Variants in CFAP47 observed in about 807,000 individuals in gnomAD.
CFAP47 encodes cilia- and flagella-associated protein 47.
Under a neutral mutation model 148.1 loss-of-function variants are expected in CFAP47, and 29 were observed. That is an observed-to-expected ratio of 0.20 (90% CI 0.15 to 0.27). The LOEUF is 0.27. CFAP47 is among the 10% of genes least tolerant of loss of function. CFAP47 has a pLI of 1.00. For missense variants in CFAP47, 1,872 were observed against 1,697.5 expected (o/e 1.10, Z -1.81); for synonymous variants, 664 against 577.3 (o/e 1.15, Z -2.15).
intron 33 of CFAP47, among the ~76,000 whole-genome samples, chrX:36,117,238 A>T (rs1006271289): frequency 8.9e-6 from 1 of 111,776 alleles, no homozygotes; most frequent in African/African-American, 3.3e-5. Flanking sequence ...TCTCTTTGAT[A>T]TATTGGTTTT....
chrX:36,244,386 G>A (rs1297045614), intron 48 of CFAP47, among the ~76,000 whole-genome samples: 10 of 111,110 alleles, frequency 9.0e-5, no homozygotes, highest in African/African-American at 3.3e-4. Flanking sequence ...ATTAAAATTA[G>A]AGAAGAACTA....
intron 30 of CFAP47, among the ~76,000 whole-genome samples, chrX:36,088,601 G>A (rs1011701147): frequency 9.0e-6 from 1 of 110,533 alleles, no homozygotes; most frequent in African/African-American, 3.3e-5. Context: ...CAGGAAAAGA[G>A]GCCTCACCTA....
At chrX:36,063,984 A>T (rs1937615623) in intron 26 of CFAP47, among the ~76,000 whole-genome samples, 1 of 112,375 alleles carries the variant, frequency 8.9e-6, no homozygotes, top group Non-Finnish European at 1.9e-5. Flanking sequence ...CCCAGGGTAC[A>T]TCACAGGGGA....
intron 29 of CFAP47, among the ~76,000 whole-genome samples, chrX:36,084,081 A>C: frequency 9.0e-6 from 1 of 110,601 alleles, no homozygotes; most frequent in South Asian, 3.8e-4. Flanking sequence ...TCATCCATTG[A>C]TTTCTTAATT....
At chrX:36,110,581 G>A (rs971203956) in intron 33 of CFAP47, among the ~76,000 whole-genome samples, 3 of 111,778 alleles carry the variant, frequency 2.7e-5, no homozygotes, top group Non-Finnish European at 5.6e-5. Context: ...GGATTGCCTT[G>A]GCAATTTGGG....
At chrX:36,144,973 G>T in intron 35 of CFAP47, 1 of 600,011 alleles carries the variant, frequency 1.7e-6, no homozygotes, top group South Asian at 3.3e-5. Context: ...GCCCCTATTG[G>T]CTTCTGTCAT....
intron 15 of CFAP47, among the ~76,000 whole-genome samples, chrX:35,982,476 T>C (rs1936659791): frequency 8.9e-6 from 1 of 111,792 alleles, no homozygotes; most frequent in Non-Finnish European, 1.9e-5. Context: ...AGGTCTCATT[T>C]GTCAATTTTC....
At chrX:36,186,324 A>G (rs1555985613) in intron 40 of CFAP47, among the ~76,000 whole-genome samples, 1 of 110,014 alleles carries the variant, frequency 9.1e-6, no homozygotes, top group African/African-American at 3.3e-5. Flanking sequence ...CTATCTTAGG[A>G]CTCCTTGCTT....
At chrX:36,232,921 G>T (rs1165431500) in intron 46 of CFAP47, among the ~76,000 whole-genome samples, 3 of 111,872 alleles carry the variant, frequency 2.7e-5, no homozygotes, top group Non-Finnish European at 5.6e-5. Flanking sequence ...GTAATTGAGT[G>T]GTTTTGAGTG....
At chrX:35,930,571 G>A (rs1385653623) in intron 2 of CFAP47, among the ~76,000 whole-genome samples, 1 of 110,969 alleles carries the variant, frequency 9.0e-6, no homozygotes, top group Non-Finnish European at 1.9e-5. Context: ...GAACTGTCTG[G>A]CCTGGAAATT....
chrX:35,972,890 A>G lies in CFAP47; in HGVS notation c.2254+925A>G, dbSNP rs370276459. ...TTGCTGGGTTGTACAATAAATTTAT[A>G]TCTAACTTAAAAAAAAACCCTCTAA... On this transcript the variant is annotated intron_variant, in intron 13 of 63. Transcript: ENST00000378653. 6.1e-4 allele frequency among the ~76,000 whole-genome samples: 68 copies of G among 111,260 alleles called. 1 individual carries two copies. Among genetic ancestry groups the G allele is most frequent in the East Asian group, 2.0e-3 (7 of 3,531 alleles).
intron 48 of CFAP47, 78 bp from the exon 49 acceptor site, chrX:36,251,255 A>C: frequency 1.3e-5 from 4 of 319,698 alleles, no homozygotes; most frequent in Non-Finnish European, 1.6e-5. Flanking sequence ...TTAACTTGTT[A>C]CAGTAATTTC....
At chrX:36,234,743 G>A (rs1411678580) in intron 46 of CFAP47, among the ~76,000 whole-genome samples, 1 of 111,427 alleles carries the variant, frequency 9.0e-6, no homozygotes, top group African/African-American at 3.3e-5. Flanking sequence ...CATCTTTGTG[G>A]TTTTATCTAC....
At position 35,992,313 on chromosome X, in the gene CFAP47, T is replaced by A. The variant is rs1225780258; in HGVS notation, c.2967+370T>A. Among the ~76,000 whole-genome samples the A allele has an allele frequency of 2.7e-4, 30 of 111,124 alleles. No individual in the cohort carries two copies. In the Admixed American group the frequency reaches 2.9e-3, roughly 11 times the overall value. On this transcript the variant is annotated intron_variant, in intron 17 of 63. Transcript: ENST00000378653. ...ATGATGGTAGCACCTGGGAACTAGA[T>A]CAAGGCCATTCTGGAGAGAGTATGT...
intron 8 of CFAP47, among the ~76,000 whole-genome samples, chrX:35,962,896 G>T (rs1381180444): frequency 9.4e-6 from 1 of 106,697 alleles, no homozygotes; most frequent in East Asian, 2.9e-4. Context: ...TCAACATGCT[G>T]ATTTCATTCC....
At chrX:36,144,963 GC>G in intron 35 of CFAP47, 1 of 637,745 alleles carries the variant, frequency 1.6e-6, no homozygotes, top group Non-Finnish European at 2.2e-6. Context: ...TTCCCTGGGA[GC>G]CCCTATTGGC....
intron 61 of CFAP47, among the ~76,000 whole-genome samples, chrX:36,364,924 ATAT>A (rs1909070728): frequency 1.3e-5 from 1 of 78,093 alleles, no homozygotes; most frequent in Non-Finnish European, 2.2e-5. Flanking sequence ...ATATATATAT[ATAT>A]ATATATATAT....
At chrX:36,065,211 A>C (rs1046763193) in intron 26 of CFAP47, among the ~76,000 whole-genome samples, 2 of 111,718 alleles carry the variant, frequency 1.8e-5, no homozygotes, top group African/African-American at 3.2e-5. Flanking sequence ...GGACAGATCT[A>C]AAGTTACAGC....
chrX:36,066,947 A>G (rs1365870396), intron 27 of CFAP47, among the ~76,000 whole-genome samples: 1 of 112,189 alleles, frequency 8.9e-6, no homozygotes, highest in Non-Finnish European at 1.9e-5. Flanking sequence ...TTCAGGGGTA[A>G]GGAAGAAGAA....
Sources: allele counts gnomAD v4.1 joint callset (sites outside exome capture counted in the v4.1 genomes callset), GRCh38; gene constraint gnomAD v4.1.1; transcripts MANE v1.5; gene names NCBI Gene and HGNC (gene_info 2026-07-23, HGNC 2026-07-21).